The following DGKB variants were observed in gnomAD, a reference collection of about 807,000 sequenced individuals.
DGKB encodes 90 kDa diacylglycerol kinase.
A neutral mutation model predicts 114.3 loss-of-function variants in DGKB; 67 were observed. The ratio of observed to expected loss-of-function variants is 0.59; its 90% CI spans 0.48 to 0.72. The LOEUF (loss-of-function observed/expected upper bound fraction) is 0.72, where lower values mean the gene tolerates loss of function less well. Among genes scored for constraint, DGKB ranks in the 30% least tolerant of loss-of-function variants. The probability of loss-of-function intolerance (pLI) is 0.00; values close to 1 mark genes in which losing one functional copy is unlikely to be tolerated. For synonymous variants in DGKB, 398 were observed against 323.1 expected (o/e 1.23, Z -2.49); for missense variants, 907 against 975.2 (o/e 0.93, Z 0.93).
chr7:14,469,650 A>G (rs531320436), intron 21 of DGKB, among the ~76,000 whole-genome samples: 2 of 152,046 alleles, frequency 1.3e-5, no homozygotes, highest in Non-Finnish European at 2.9e-5. Context: ...AACCCCCTGC[A>G]TGAGAACACA....
intron 21 of DGKB, among the ~76,000 whole-genome samples, chr7:14,452,214 C>T (rs1356196736): frequency 4.0e-5 from 6 of 151,754 alleles, no homozygotes; most frequent in Non-Finnish European, 7.4e-5. Flanking sequence ...TATACAAAAG[C>T]AATTATTTAA....
intron 1 of DGKB, among the ~76,000 whole-genome samples, chr7:14,908,981 A>T (rs1783848665): frequency 6.6e-6 from 1 of 152,026 alleles, no homozygotes; most frequent in Non-Finnish European, 1.5e-5. Flanking sequence ...GTAAGGATGC[A>T]TTTCTTCAAT....
At chr7:14,176,666 A>G (rs923797400) in intron 25 of DGKB, 173 bp downstream of exon 25, 1 of 1,390,650 alleles carries the variant, frequency 7.2e-7, no homozygotes, top group East Asian at 2.5e-5. Flanking sequence ...AGGGTATATA[A>G]TGTCTACAAC....
intron 12 of DGKB, among the ~76,000 whole-genome samples, chr7:14,673,987 T>C (rs1819434260): frequency 1.3e-5 from 2 of 151,806 alleles, no homozygotes; most frequent in South Asian, 2.1e-4. Context: ...GCTGCATTAA[T>C]TTCCACAACA....
At chr7:14,793,556 T>C (rs1840987044) in intron 2 of DGKB, among the ~76,000 whole-genome samples, 1 of 152,156 alleles carries the variant, frequency 6.6e-6, no homozygotes, top group Non-Finnish European at 1.5e-5. Context: ...ATCACTCAAA[T>C]ATTTTCTGTA....
chr7:14,168,203 G>A (rs1784884264), intron 25 of DGKB, among the ~76,000 whole-genome samples: 1 of 152,010 alleles, frequency 6.6e-6, no homozygotes, highest in Non-Finnish European at 1.5e-5. Flanking sequence ...ACAACAGAAT[G>A]GAGATAAAAG....
chr7:14,796,516 T>C (rs1473405942), intron 2 of DGKB, among the ~76,000 whole-genome samples: 1 of 152,030 alleles, frequency 6.6e-6, no homozygotes, highest in African/African-American at 2.4e-5. Context: ...TAATCAGAGA[T>C]GAAACATGGC....
chr7:14,387,846 G>A (rs1326706977), intron 21 of DGKB, among the ~76,000 whole-genome samples: 1 of 149,480 alleles, frequency 6.7e-6, no homozygotes, highest in African/African-American at 2.5e-5. Context: ...CATTTTATAG[G>A]TTAGTACAGG....
At chr7:14,291,810 A>G (rs766411136) in intron 23 of DGKB, among the ~76,000 whole-genome samples, 1 of 152,168 alleles carries the variant, frequency 6.6e-6, no homozygotes, top group Non-Finnish European at 1.5e-5. Flanking sequence ...CATGAACCCT[A>G]TGCGGCAAAG....
intron 25 of DGKB, among the ~76,000 whole-genome samples, chr7:14,157,866 A>AGTGTTTTTG (rs1783257587): frequency 6.6e-6 from 1 of 152,204 alleles, no homozygotes; most frequent in African/African-American, 2.4e-5. Context: ...TAACAAAACA[A>AGTGTTTTTG]TACAAAAACA....
At chr7:14,702,310 C>A (rs962927381) in intron 6 of DGKB, among the ~76,000 whole-genome samples, 1 of 152,112 alleles carries the variant, frequency 6.6e-6, no homozygotes, top group South Asian at 2.1e-4. Flanking sequence ...GATCCCCAAG[C>A]AGTATGGGCG....
At chr7:14,778,095 T>C (rs188219449) in intron 2 of DGKB, among the ~76,000 whole-genome samples, 170 of 152,356 alleles carry the variant, frequency 1.1e-3, no homozygotes, top group Non-Finnish European at 7.8e-4. Flanking sequence ...TTACTTGCAT[T>C]GTAGTAGAGT....
chr7:14,811,777 A>G (rs889851489), intron 2 of DGKB, among the ~76,000 whole-genome samples: 13 of 152,016 alleles, frequency 8.6e-5, no homozygotes, highest in African/African-American at 2.9e-4. Context: ...ATATATATGT[A>G]ACATAAATAT....
chr7:14,476,724 G>C (rs1365675857), intron 21 of DGKB, among the ~76,000 whole-genome samples: 1 of 150,904 alleles, frequency 6.6e-6, no homozygotes, highest in Non-Finnish European at 1.5e-5. Flanking sequence ...CCCAACATAG[G>C]TATTAGATTA....
At chr7:14,428,587 C>G (rs577255114) in intron 21 of DGKB, among the ~76,000 whole-genome samples, 11 of 152,132 alleles carry the variant, frequency 7.2e-5, no homozygotes, top group African/African-American at 2.7e-4. Context: ...TTGTATAGAG[C>G]CTATACTTGT....
At chr7:14,332,809 G>A (rs1809962712) in intron 23 of DGKB, among the ~76,000 whole-genome samples, 1 of 152,118 alleles carries the variant, frequency 6.6e-6, no homozygotes, top group Non-Finnish European at 1.5e-5. Context: ...ATTGTTAAAT[G>A]TGAATGAAAT....
intron 2 of DGKB, among the ~76,000 whole-genome samples, chr7:14,777,085 CA>C (rs1243765922): frequency 6.6e-6 from 1 of 152,138 alleles, no homozygotes; most frequent in African/African-American, 2.4e-5. Flanking sequence ...CTATTGGATA[CA>C]AACTTGCACG....
At chr7:14,371,394 G>A (rs549088461) in intron 21 of DGKB, among the ~76,000 whole-genome samples, 6 of 152,094 alleles carry the variant, frequency 3.9e-5, no homozygotes, top group African/African-American at 1.4e-4. Flanking sequence ...ATCTCACTGT[G>A]GTTTTGATTT....
chr7:14,552,806 T>G (rs572710770), intron 20 of DGKB, among the ~76,000 whole-genome samples: 16 of 152,342 alleles, frequency 1.1e-4, no homozygotes, highest in African/African-American at 3.8e-4. Flanking sequence ...CTCAGATGTG[T>G]GGACTTTCTA....
Sources: allele counts gnomAD v4.1 joint callset (sites outside exome capture counted in the v4.1 genomes callset), GRCh38; gene constraint gnomAD v4.1.1; transcripts MANE v1.5; gene names NCBI Gene and HGNC (gene_info 2026-07-23, HGNC 2026-07-21).